ITGAM: variants seen among roughly 807,000 people sequenced by gnomAD.
ITGAM encodes the protein integrin subunit alpha M.
In ITGAM, 79 loss-of-function variants were observed where a neutral mutation model predicts 137.5. The observed-to-expected ratio is 0.57, with a 90% CI of 0.48 to 0.69. The LOEUF is 0.69. Among genes scored for constraint, ITGAM ranks in the 30% least tolerant of loss-of-function variants. The pLI is 0.00. For missense variants in ITGAM, 1,343 were observed against 1,483.5 expected (o/e 0.91, Z 1.56); for synonymous variants, 583 against 592.3 (o/e 0.98, Z 0.23).
chr16:31,281,698 G>GT (rs2079971238), intron 12 of ITGAM, among the ~76,000 whole-genome samples: 2 of 152,080 alleles, frequency 1.3e-5, no homozygotes, highest in South Asian at 4.1e-4. Context: ...TTTTTGAAGG[G>GT]TTTTTTGTGT....
intron 14 of ITGAM, among the ~76,000 whole-genome samples, chr16:31,310,243 C>T (rs1037241816): frequency 6.6e-6 from 1 of 152,096 alleles, no homozygotes; most frequent in African/African-American, 2.4e-5. Flanking sequence ...TGTTGGCCTG[C>T]CTTGCTAGAT....
At chr16:31,265,678 T>A (rs2079757873) in intron 3 of ITGAM, 133 bp from the exon 4 acceptor site, 1 of 833,528 alleles carries the variant, frequency 1.2e-6, no homozygotes, top group Admixed American at 2.7e-5. Context: ...TGTTCCTTTC[T>A]TTCCCAAGAT....
chr16:31,284,628 G>A (rs2080008084), intron 12 of ITGAM, among the ~76,000 whole-genome samples: 1 of 152,160 alleles, frequency 6.6e-6, no homozygotes, highest in African/African-American at 2.4e-5. Flanking sequence ...CTCTGTCACG[G>A]CTTCCCTTGG....
At chr16:31,280,003 C>A (rs1036887914) in intron 12 of ITGAM, among the ~76,000 whole-genome samples, 5 of 139,176 alleles carry the variant, frequency 3.6e-5, no homozygotes, top group African/African-American at 6.5e-5. Flanking sequence ...GAATCCTTTC[C>A]CCATTTCTTG....
At chr16:31,261,562 G>C in intron 1 of ITGAM, 130 bp from the exon 2 acceptor site, 1 of 555,384 alleles carries the variant, frequency 1.8e-6, no homozygotes, top group Non-Finnish European at 3.3e-6. Context: ...CTGTTGCTCA[G>C]GCTGGAGTGC....
chr16:31,306,239 G>A (rs1450612914), intron 14 of ITGAM, among the ~76,000 whole-genome samples: 1 of 152,040 alleles, frequency 6.6e-6, no homozygotes, highest in Non-Finnish European at 1.5e-5. Context: ...TCCTAATGAG[G>A]AATTTTTTTG....
Position 31,329,855 on chromosome 16 carries a change from C to A in ITGAM, c.2926C>A (p.Arg976=). The change falls in exon 25 of 30, where the codon CGG becomes AGG. Residue 976 remains arginine (R), a synonymous_variant. Transcript: ENST00000544665. ...CAGCCTGGTGTTCTTGGTGCCCGTC[C>A]GGCTGAACCAGACTGTCATATGGGA... ...PISLVFLVPV[R]LNQTVIWDRP... 6.4e-7 allele frequency: 1 copy of A among 1,564,918 alleles called. No individual in the cohort carries two copies. The highest frequency in any genetic ancestry group is 8.7e-7 in the Non-Finnish European group (1 of 1,154,726).
intron 11 of ITGAM, 65 bp from the exon 12 acceptor site, chr16:31,277,902 G>T (rs1472599906): frequency 1.3e-6 from 2 of 1,510,214 alleles, no homozygotes; most frequent in African/African-American, 2.8e-5. Context: ...CTACTCAAGG[G>T]GTGGGTCTGC....
chr16:31,265,494 G>C lies in ITGAM; in HGVS notation c.234G>C (p.Leu78=). The C allele has an allele frequency of 6.3e-7, 1 of 1,592,288 alleles. No homozygotes were observed. Among genetic ancestry groups the C allele is most frequent in the Non-Finnish European group, 8.6e-7 (1 of 1,168,532 alleles). The change falls in exon 3 of 30, where the codon CTG becomes CTC. Residue 78 remains leucine, a synonymous_variant. Transcript: ENST00000544665. ...YSTGSCEPIR[L]QVPVEAVNMS... Reference sequence around the variant, plus strand: ...CAGGCTCATGCGAGCCCATCCGCCTGCAGGGTGAGTCACTGCCCCGCCGGG... The same window carrying C: ...CAGGCTCATGCGAGCCCATCCGCCTCCAGGGTGAGTCACTGCCCCGCCGGG...
chr16:31,330,206 A>T lies in ITGAM; in HGVS notation c.3060+42A>T, dbSNP rs201569716. On this transcript the variant is annotated intron_variant, in intron 26 of 29. Transcript: ENST00000544665. The stretch of plus-strand genomic sequence containing the variant: ...GCCCCAGGGCCACACAGAGACCCAG[A>T]GCGCTTCCCTGCTGGAACCTGTATG... 6.4e-5 allele frequency: 103 copies of T among 1,601,532 alleles called. No individual in the cohort carries two copies. In the East Asian group the frequency reaches 2.3e-3, roughly 35 times the overall value.
Position 31,265,375 on chromosome 16 carries a change from G to C in ITGAM, c.135-20G>C, listed in dbSNP as rs745445076. ...CTCCCCACATGTCGAAGTTTTCTCT[G>C]TTCCCACTTCTCCCCACAGGGTGGT... On this transcript the variant is annotated intron_variant, in intron 2 of 29. Coordinates refer to ENST00000544665, the MANE Select transcript of ITGAM (RefSeq NM_000632.4). 6 of 1,489,664 alleles carry C rather than the reference G, an allele frequency of 4.0e-6. No individual in the cohort carries two copies. The East Asian group carries it at 1.5e-4, about 37-fold the overall frequency. The allele number at this position is 1,489,664 out of a possible 1,614,324, so 92.3% of individuals were successfully genotyped here.
At chr16:31,307,439 C>A (rs1004127108) in intron 14 of ITGAM, among the ~76,000 whole-genome samples, 1 of 152,174 alleles carries the variant, frequency 6.6e-6, no homozygotes, top group Non-Finnish European at 1.5e-5. Flanking sequence ...CATGATTTGG[C>A]TCTCTGTTTG....
intron 8 of ITGAM, among the ~76,000 whole-genome samples, chr16:31,275,241 C>T (rs767619620): frequency 7.2e-5 from 11 of 152,140 alleles, no homozygotes; most frequent in South Asian, 2.1e-4. Flanking sequence ...TGCCTTGGCA[C>T]GTAGGACATA....
chr16:31,300,425 A>G (rs2080186255), intron 14 of ITGAM, among the ~76,000 whole-genome samples: 1 of 152,206 alleles, frequency 6.6e-6, no homozygotes, highest in Non-Finnish European at 1.5e-5. Flanking sequence ...TGATTTTTCC[A>G]TGTGTTTACC....
intron 14 of ITGAM, among the ~76,000 whole-genome samples, chr16:31,312,043 C>A (rs1029650735): frequency 1.4e-5 from 2 of 147,980 alleles, no homozygotes; most frequent in African/African-American, 2.5e-5. Flanking sequence ...GGACAAAAAA[C>A]CAAACACTGC....
intron 14 of ITGAM, among the ~76,000 whole-genome samples, chr16:31,319,165 A>G (rs1321234886): frequency 6.6e-6 from 1 of 151,536 alleles, no homozygotes; most frequent in Non-Finnish European, 1.5e-5. Context: ...CTTGAGAAGA[A>G]TGTATATTCT....
At position 31,324,670 on chromosome 16, in the gene ITGAM, T is replaced by A. The variant is rs754161312; in HGVS notation, c.2177T>A (p.Val726Glu). Residue 726 changes from valine (V) to glutamate (E), a missense_variant, in exon 18 of 30, where the codon GTG becomes GAG. Physicochemically the swap from Val to Glu is moderately radical, Grantham distance 121. Coordinates refer to ENST00000544665, the MANE Select transcript of ITGAM (RefSeq NM_000632.4). The surrounding 1 kb of genome is among the most constrained non-coding windows in gnomAD (Gnocchi z 4.5). ...TCTTAGAATTGCATCGAGGACCCAG[T>A]GAGCCCCATTGTGCTGCGCCTGAAC... is the stretch of plus-strand genomic sequence containing the variant. ...LQLPNCIEDP[V>E]SPIVLRLNFS... The A allele has an allele frequency of 6.2e-7, 1 of 1,601,692 alleles. No homozygotes were observed. The highest frequency in any genetic ancestry group is 1.1e-5 in the South Asian group (1 of 89,456).
chr16:31,329,145 G>A (rs924849436), intron 23 of ITGAM, 83 bp from the exon 24 acceptor site: 2 of 843,424 alleles, frequency 2.4e-6, no homozygotes, highest in East Asian at 2.7e-5. Context: ...GTGCCTGTTC[G>A]CTCCTTACAC....
intron 14 of ITGAM, among the ~76,000 whole-genome samples, chr16:31,310,060 A>G (rs898359718): frequency 2.7e-4 from 40 of 150,832 alleles, no homozygotes; most frequent in Non-Finnish European, 1.9e-4. Context: ...ATCAGACTAG[A>G]TCAGCTGCCA....
Sources: gnomAD v4.1 joint callset for allele counts (sites outside exome capture counted in the v4.1 genomes callset) on GRCh38, gnomAD v4.1.1 for gene constraint, Gnocchi (gnomAD v3.1) non-coding constraint, MANE v1.5 for transcripts, NCBI Gene and HGNC (gene_info 2026-07-23, HGNC 2026-07-21) for gene names.